Variants in CDKAL1 observed in about 807,000 individuals in gnomAD.
CDKAL1 encodes CDKAL1 threonylcarbamoyladenosine tRNA methylthiotransferase.
CDKAL1 carries 32 observed loss-of-function variants against 68.2 expected under a neutral mutation model. The ratio of observed to expected loss-of-function variants is 0.47; its 90% confidence interval spans 0.35 to 0.63. CDKAL1 has a LOEUF of 0.63. Ranked by LOEUF, CDKAL1 falls within the 30% of genes least tolerant of loss-of-function variation. The pLI, the probability that CDKAL1 is intolerant of heterozygous loss-of-function variation, is 0.00. For synonymous variants in CDKAL1, 234 were observed against 244.3 expected, an observed-to-expected ratio of 0.96 and a Z score of 0.39; for missense variants, 606 against 696.7, an observed-to-expected ratio of 0.87 and a Z score of 1.47.
At chr6:21,192,045 C>T (rs1341681580) in intron 13 of CDKAL1, among the ~76,000 whole-genome samples, 8 of 83,846 alleles carry the variant, frequency 9.5e-5, no homozygotes, top group Admixed American at 4.1e-4. Context: ...GACGGAGTCT[C>T]GCTCTGTCGC....
At chr6:20,693,351 A>G (rs1260804900) in intron 5 of CDKAL1, among the ~76,000 whole-genome samples, 2 of 152,138 alleles carry the variant, frequency 1.3e-5, no homozygotes, top group Non-Finnish European at 1.5e-5. Context: ...ACTTGTAACC[A>G]TTTCTGATAA....
At chr6:20,858,705 A>G (rs531127490) in intron 9 of CDKAL1, among the ~76,000 whole-genome samples, 40 of 152,310 alleles carry the variant, frequency 2.6e-4, no homozygotes, top group African/African-American at 9.6e-4. Flanking sequence ...ATACATTTAC[A>G]TGATGGAGTG....
intron 11 of CDKAL1, among the ~76,000 whole-genome samples, chr6:21,045,156 T>C (rs974613168): frequency 1.3e-5 from 2 of 152,144 alleles, no homozygotes; most frequent in Non-Finnish European, 2.9e-5. Flanking sequence ...CTTGGCGAAA[T>C]AGCACAGAAA....
At chr6:21,018,943 C>T (rs114033125) in intron 11 of CDKAL1, among the ~76,000 whole-genome samples, 2,496 of 152,050 alleles carry the variant, frequency 0.016, 33 homozygotes, top group Admixed American at 0.031. Context: ...TCATACTTCT[C>T]ATTTGTTATT....
At position 20,955,455 on chromosome 6, in the gene CDKAL1, C is replaced by T. The variant is rs1298253889; in HGVS notation, c.779C>T (p.Thr260Met). ...VCEIWLTSED[T>M]GAYGRDIGTN... Reference sequence around the variant, plus strand: ...GAGATATGGTTGACCAGTGAAGACACGGGGGCTTATGGCAGAGATATTGGC... The same window carrying T: ...GAGATATGGTTGACCAGTGAAGACATGGGGGCTTATGGCAGAGATATTGGC... Residue 260 changes from threonine (T) to methionine (M), a missense_variant, in exon 10 of 16, where the codon ACG (threonine) becomes ATG (methionine). Physicochemically the swap from Thr to Met is moderately conservative, Grantham distance 81 (BLOSUM62 -1). Coordinates refer to ENST00000274695, the MANE Select transcript of CDKAL1 (RefSeq NM_017774.3). 3 of 1,614,092 alleles carry T rather than the reference C, an allele frequency of 1.9e-6. No homozygotes were observed. The highest frequency in any genetic ancestry group is 2.5e-6 in the Non-Finnish European group (3 of 1,179,984).
intron 8 of CDKAL1, among the ~76,000 whole-genome samples, chr6:20,813,776 C>T (rs995425631): frequency 4.6e-5 from 7 of 152,148 alleles, no homozygotes; most frequent in African/African-American, 1.7e-4. Flanking sequence ...TCTGAACTCT[C>T]TGTTCTGTTC....
At chr6:20,890,637 T>G (rs564506609) in intron 9 of CDKAL1, among the ~76,000 whole-genome samples, 1 of 152,318 alleles carries the variant, frequency 6.6e-6, no homozygotes, top group African/African-American at 2.4e-5. Flanking sequence ...TTGACGTTCG[T>G]GGAGTGTTGG....
At chr6:21,190,941 T>A (rs1778211609) in intron 13 of CDKAL1, among the ~76,000 whole-genome samples, 1 of 152,158 alleles carries the variant, frequency 6.6e-6, no homozygotes, top group African/African-American at 2.4e-5. Context: ...TCTGTTTAAG[T>A]AAAGTGAAAG....
At chr6:20,611,160 A>C (rs754430841) in intron 4 of CDKAL1, among the ~76,000 whole-genome samples, 1 of 152,178 alleles carries the variant, frequency 6.6e-6, no homozygotes, top group South Asian at 2.1e-4. Flanking sequence ...AGTCATCTAA[A>C]TATCAGAAGG....
intron 4 of CDKAL1, among the ~76,000 whole-genome samples, chr6:20,634,147 C>A (rs1767794291): frequency 6.6e-6 from 1 of 152,138 alleles, no homozygotes; most frequent in African/African-American, 2.4e-5. Context: ...GAATGGAAAG[C>A]AGATGTTTTG....
chr6:21,097,371 G>A (rs182857442), intron 12 of CDKAL1, among the ~76,000 whole-genome samples: 50 of 152,250 alleles, frequency 3.3e-4, no homozygotes, highest in African/African-American at 1.2e-3. Context: ...TTTGGAGGCT[G>A]ACAGGAGAAT....
intron 4 of CDKAL1, among the ~76,000 whole-genome samples, chr6:20,617,064 G>C (rs1473237297): frequency 1.4e-5 from 2 of 144,300 alleles, no homozygotes; most frequent in Non-Finnish European, 3.0e-5. Context: ...AAGCCTTTTT[G>C]TTCTAAATTA....
intron 10 of CDKAL1, among the ~76,000 whole-genome samples, chr6:20,979,482 A>G (rs1480586248): frequency 2.0e-5 from 3 of 152,108 alleles, no homozygotes; most frequent in African/African-American, 7.2e-5. Context: ...TTCTAGAGTG[A>G]GGATAACATT....
chr6:21,008,053 A>T (rs1767825380), intron 11 of CDKAL1, among the ~76,000 whole-genome samples: 1 of 152,222 alleles, frequency 6.6e-6, no homozygotes, highest in Non-Finnish European at 1.5e-5. Flanking sequence ...AGGCATAATA[A>T]TAGAAAATCA....
intron 9 of CDKAL1, among the ~76,000 whole-genome samples, chr6:20,945,565 T>G (rs1442112895): frequency 6.6e-6 from 1 of 152,200 alleles, no homozygotes; most frequent in Non-Finnish European, 1.5e-5. Context: ...ATTTGTCCTA[T>G]CTTCTGAAGC....
At chr6:20,809,457 TG>T (rs1169584279) in intron 8 of CDKAL1, among the ~76,000 whole-genome samples, 1 of 152,208 alleles carries the variant, frequency 6.6e-6, no homozygotes, top group African/African-American at 2.4e-5. Context: ...TATCATTTTT[TG>T]TAACCATCTG....
chr6:20,586,570 G>A (rs1268781529), intron 4 of CDKAL1, among the ~76,000 whole-genome samples: 1 of 152,020 alleles, frequency 6.6e-6, no homozygotes, highest in Non-Finnish European at 1.5e-5. Flanking sequence ...CCTGGGAGGC[G>A]GAGGTTGCAG....
At chr6:20,842,476 T>A (rs1449939729) in intron 8 of CDKAL1, among the ~76,000 whole-genome samples, 1 of 152,224 alleles carries the variant, frequency 6.6e-6, no homozygotes, top group Non-Finnish European at 1.5e-5. Flanking sequence ...ATATACAGTA[T>A]TATTTTGATA....
intron 4 of CDKAL1, among the ~76,000 whole-genome samples, chr6:20,573,373 CAA>C (rs10541455): frequency 0.067 from 10,145 of 151,972 alleles, 494 homozygotes; most frequent in African/African-American, 0.13. Context: ...ACAAAAACCT[CAA>C]GTTATATTTA....
Sources: gnomAD v4.1 joint callset for allele counts (sites outside exome capture counted in the v4.1 genomes callset) on GRCh38, gnomAD v4.1.1 for gene constraint, MANE v1.5 for transcripts, NCBI Gene and HGNC (gene_info 2026-07-23, HGNC 2026-07-21) for gene names.